TMEM25: variants seen among roughly 807,000 people sequenced by gnomAD.
The protein encoded by TMEM25 is 0610039J01Rik.
In TMEM25, 36 loss-of-function variants were observed where a neutral mutation model predicts 37.0. That is an observed-to-expected ratio of 0.97 (90% CI 0.75 to 1.28). TMEM25 has a LOEUF of 1.28. Among genes scored for constraint, TMEM25 ranks in the 50% most tolerant of loss-of-function variants. The probability of loss-of-function intolerance (pLI) is 0.00; values close to 1 mark genes in which losing one functional copy is unlikely to be tolerated. For synonymous variants in TMEM25, 197 were observed against 203.7 expected, an observed-to-expected ratio of 0.97 and a Z score of 0.28; for missense variants, 444 against 477.9, an observed-to-expected ratio of 0.93 and a Z score of 0.66.
chr11:118,545,643 C>A, intron 8 of TMEM25: 1 of 1,086,002 alleles, frequency 9.2e-7, no homozygotes, highest in Non-Finnish European at 1.4e-6. Flanking sequence ...ATAAGCCAAA[C>A]ACCACCTTTG....
chr11:118,533,600 C>T, intron 5 of TMEM25, 49 bp downstream of exon 5: 2 of 1,611,650 alleles, frequency 1.2e-6, no homozygotes, highest in South Asian at 2.2e-5. Flanking sequence ...GGCTGAGCAG[C>T]AGCCAAGACA....
rs782418817 is a variant in TMEM25 at position 118,533,199 on chromosome 11, C to G, written c.665C>G (p.Pro222Arg). Residue 222 changes from proline (P) to arginine (R), a missense_variant, in exon 4 of 9, where the codon CCA becomes CGA. By Grantham distance (103) the Pro-to-Arg change is moderately radical (BLOSUM62 -2). Coordinates refer to ENST00000313236, the MANE Select transcript of TMEM25 (RefSeq NM_032780.4). ...GTGGGTGTCACCAGTGCGTCGCTTC[C>G]AGCCCCAGGTGAGCATGGCCAGCAA... ...NDVGVTSASL[P>R]APGLLATRVE... The G allele has an allele frequency of 2.5e-6, 4 of 1,594,448 alleles. No homozygotes were observed. The South Asian group carries it at 4.5e-5, about 18-fold the overall frequency.
chr11:118,532,690 C>G, intron 3 of TMEM25: 1 of 774,392 alleles, frequency 1.3e-6, no homozygotes, highest in East Asian at 2.7e-5. Context: ...GGTGATGATC[C>G]CGCTGGTAAG....
Position 118,532,381 on chromosome 11 carries a change from C to T in TMEM25, c.302C>T (p.Ala101Val). The change falls in exon 3 of 9, where the codon GCC (alanine) becomes GTC (valine). Residue 101 changes from alanine (A) to valine (V), a missense_variant. Ala to Val is a moderately conservative substitution (Grantham distance 64). Coordinates refer to ENST00000313236, the MANE Select transcript of TMEM25 (RefSeq NM_032780.4). ...TSTFTVTAHRAQHELNCSLQD... is the reference protein window; with the variant it reads ...TSTFTVTAHRVQHELNCSLQD... Reference sequence around the variant, plus strand: ...ACCTTCACTGTCACTGCCCATCGGGCCCAGCATGAGCTCAACTGCTCTCTG... The same window carrying T: ...ACCTTCACTGTCACTGCCCATCGGGTCCAGCATGAGCTCAACTGCTCTCTG... 1 of 1,614,180 alleles carries T rather than the reference C, an allele frequency of 6.2e-7. No homozygotes were observed. The highest frequency in any genetic ancestry group is 2.2e-5 in the East Asian group (1 of 44,880).
chr11:118,532,857 G>T (rs1359491778), intron 3 of TMEM25, 60 bp from the exon 4 acceptor site: 3 of 1,552,632 alleles, frequency 1.9e-6, no homozygotes, highest in African/African-American at 1.4e-5. Context: ...GGTTTGGGAA[G>T]AAAGGGCTAG....
chr11:118,538,591 G>A (rs1167206627), downstream of TMEM25, among the ~76,000 whole-genome samples: 7 of 151,762 alleles, frequency 4.6e-5, no homozygotes, highest in Admixed American at 1.3e-4. Context: ...CCGTTTGTAT[G>A]TCTTCTTTTG....
intron 1 of TMEM25, 126 bp downstream of exon 1, chr11:118,531,360 T>C: frequency 3.0e-6 from 1 of 330,656 alleles, no homozygotes; most frequent in Non-Finnish European, 5.7e-6. Context: ...GGGCGAGGGA[T>C]GGGAGAGAGA....
chr11:118,539,857 C>T (rs782173705), downstream of TMEM25, among the ~76,000 whole-genome samples: 3 of 151,492 alleles, frequency 2.0e-5, no homozygotes, highest in Admixed American at 6.6e-5. Flanking sequence ...TCCATCTTTA[C>T]TAAAAATACA....
Position 118,534,552 on chromosome 11 carries a change from G to T in TMEM25, c.1073G>T (p.Ser358Ile), listed in dbSNP as rs1459101205. Residue 358 changes from serine to isoleucine, a missense_variant, in exon 9 of 9, where the codon AGC becomes ATC. By Grantham distance (142) the Ser-to-Ile change is moderately radical (BLOSUM62 -2). Coordinates refer to ENST00000313236, the MANE Select transcript of TMEM25 (RefSeq NM_032780.4). This position sits in a 1 kb window ranked among gnomAD's most constrained non-coding sequence, Gnocchi z 4.6. ...PVLGYIYRVS[S>I]VSSDEIWL ...CTGGGCTATATCTATCGAGTGTCCAGCGTGAGCAGTGATGAGATCTGGCTC... is the reference window on the plus strand; with the variant it reads ...CTGGGCTATATCTATCGAGTGTCCATCGTGAGCAGTGATGAGATCTGGCTC... 1 of 1,614,208 alleles carries T rather than the reference G, an allele frequency of 6.2e-7. No homozygotes were observed. Among genetic ancestry groups the T allele is most frequent in the Non-Finnish European group, 8.5e-7 (1 of 1,180,032 alleles).
intron 8 of TMEM25, among the ~76,000 whole-genome samples, chr11:118,541,384 C>T (rs1951576126): frequency 6.7e-6 from 1 of 150,100 alleles, no homozygotes; most frequent in South Asian, 2.1e-4. Context: ...ATGGCTTGAA[C>T]CTGGGAGGCG....
chr11:118,542,753 A>AAAT (rs1290101338), intron 8 of TMEM25, among the ~76,000 whole-genome samples: 6 of 152,082 alleles, frequency 3.9e-5, no homozygotes, highest in African/African-American at 1.2e-4. Context: ...TCTCTACTAA[A>AAAT]AATACAAAAA....
At chr11:118,538,587 G>A (rs7128587), downstream of TMEM25, among the ~76,000 whole-genome samples, 24,556 of 151,768 alleles carry the variant, frequency 0.16, 2,452 homozygotes, top group East Asian at 0.49. Context: ...TTAGCCGTTT[G>A]TATGTCTTCT....
At chr11:118,544,158 A>G (rs1304524662) in intron 8 of TMEM25, among the ~76,000 whole-genome samples, 2 of 152,144 alleles carry the variant, frequency 1.3e-5, no homozygotes, top group Non-Finnish European at 2.9e-5. Context: ...TCCTGACTGG[A>G]GCTTGGCTGA....
Position 118,535,180 on chromosome 11 carries a change from C to G in TMEM25, c.*600C>G. The G allele has an allele frequency of 9.4e-7, 1 of 1,062,478 alleles. No homozygotes were observed. Among genetic ancestry groups the G allele is most frequent in the Non-Finnish European group, 1.1e-6 (1 of 879,922 alleles). The allele number at this position is 1,062,478 out of a possible 1,614,324, so 65.8% of individuals were successfully genotyped here. On this transcript the variant is annotated 3_prime_UTR_variant, in exon 9 of 9. Transcript: ENST00000313236. ...CACGTCTCTGCCCTTCACTTCTTCTCTTCTGTCCCCACCTCCTCTTGGGAA... is the reference window on the plus strand; with the variant it reads ...CACGTCTCTGCCCTTCACTTCTTCTGTTCTGTCCCCACCTCCTCTTGGGAA...
intron 3 of TMEM25, 92 bp downstream of exon 3, chr11:118,532,553 A>G: frequency 7.2e-7 from 1 of 1,392,932 alleles, no homozygotes; most frequent in South Asian, 1.4e-5. Flanking sequence ...CATTTAGCAG[A>G]CACTTAAGCA....
At chr11:118,544,718 G>A in intron 8 of TMEM25, 1 of 547,998 alleles carries the variant, frequency 1.8e-6, no homozygotes, top group Non-Finnish European at 3.3e-6. Context: ...TAACTCCCCG[G>A]GGACAGCAAT....
downstream of TMEM25, among the ~76,000 whole-genome samples, chr11:118,537,379 G>A (rs1169765768): frequency 6.6e-6 from 1 of 152,036 alleles, no homozygotes; most frequent in South Asian, 2.1e-4. Context: ...TCACTCTATT[G>A]CCCAGGCTGG....
chr11:118,542,888 C>T (rs994946952), intron 8 of TMEM25, among the ~76,000 whole-genome samples: 1 of 151,298 alleles, frequency 6.6e-6, no homozygotes, highest in Non-Finnish European at 1.5e-5. Flanking sequence ...ACTCCAGCCT[C>T]GGTGACAGAG....
At chr11:118,539,606 G>A (rs1328137363), downstream of TMEM25, among the ~76,000 whole-genome samples, 2 of 152,088 alleles carry the variant, frequency 1.3e-5, no homozygotes, top group Admixed American at 1.3e-4. Context: ...GAGATAGGGG[G>A]TCCAGTTTCG....
Sources: gnomAD v4.1 joint callset for allele counts (sites outside exome capture counted in the v4.1 genomes callset) on GRCh38, gnomAD v4.1.1 for gene constraint, Gnocchi (gnomAD v3.1) non-coding constraint, MANE v1.5 for transcripts, NCBI Gene and HGNC (gene_info 2026-07-23, HGNC 2026-07-21) for gene names.